DMD: variants seen among roughly 807,000 people sequenced by gnomAD.
The protein encoded by DMD is dystrophin.
A neutral mutation model predicts 330.1 loss-of-function variants in DMD; 63 were observed. That is an observed-to-expected ratio of 0.19 (90% CI 0.16 to 0.24). The LOEUF is 0.24. Ranked by LOEUF, DMD falls within the 10% of genes least tolerant of loss-of-function variation. DMD has a pLI of 1.00. For missense variants in DMD, 3,344 were observed against 2,684.1 expected (o/e 1.25, Z -5.43); for synonymous variants, 1,223 against 959.8 (o/e 1.27, Z -5.07).
At chrX:32,936,607 CT>C (rs2090040638) in intron 2 of DMD, among the ~76,000 whole-genome samples, 1 of 111,824 alleles carries the variant, frequency 8.9e-6, no homozygotes, top group South Asian at 3.7e-4. Context: ...TTCCTCCCTG[CT>C]TTTTTTCTTG....
chrX:32,604,830 G>A (rs2056548560), intron 12 of DMD, among the ~76,000 whole-genome samples: 1 of 105,308 alleles, frequency 9.5e-6, no homozygotes, highest in Non-Finnish European at 2.0e-5. Context: ...AAATACCTAG[G>A]AATGCCTTTA....
At chrX:32,189,769 AAATATCTT>A (rs1462847101) in intron 44 of DMD, among the ~76,000 whole-genome samples, 11 of 111,162 alleles carry the variant, frequency 9.9e-5, no homozygotes, top group Non-Finnish European at 1.5e-4. Context: ...CGTGGGTGGC[AAATATCTT>A]CAGCAAAATT....
At chrX:33,279,412 T>C (rs1023735531) in intron 1 of DMD, among the ~76,000 whole-genome samples, 1 of 109,514 alleles carries the variant, frequency 9.1e-6, no homozygotes, top group Admixed American at 9.8e-5. Flanking sequence ...TCCTTTTTAT[T>C]GCTGGGTAAT....
chrX:31,429,248 T>C (rs1161797872), intron 60 of DMD, among the ~76,000 whole-genome samples: 2 of 112,064 alleles, frequency 1.8e-5, no homozygotes, highest in Non-Finnish European at 3.8e-5. Flanking sequence ...TGGCTAAAAA[T>C]AACCATTTAT....
At chrX:32,201,480 C>T (rs1009596589) in intron 44 of DMD, among the ~76,000 whole-genome samples, 1 of 95,658 alleles carries the variant, frequency 1.0e-5, no homozygotes, top group Non-Finnish European at 2.2e-5. Flanking sequence ...CCCCCCCCCC[C>T]CCCAACAAGG....
In DMD at chrX:32,844,745, T is replaced by C. The variant is rs1267796676; in HGVS notation, c.264+38A>G. ...CCTCACTCAAACATGAAGCATGCTG[T>C]GTCACAGCATCCAGACCTTGTCCAG... is the stretch of plus-strand genomic sequence containing the variant. On this transcript the variant is annotated intron_variant, in intron 4 of 78. Transcript: ENST00000357033. 9 of 1,114,596 alleles carry C rather than the reference T, an allele frequency of 8.1e-6. No individual in the cohort carries two copies. The African/African-American group carries it at 1.4e-4, about 18-fold the overall frequency. The allele number at this position is 1,114,596 out of a possible 1,213,427, so 91.9% of individuals were successfully genotyped here.
chrX:31,155,918 C>T (rs1295046641), intron 74 of DMD, among the ~76,000 whole-genome samples: 1 of 110,139 alleles, frequency 9.1e-6, no homozygotes, highest in African/African-American at 3.3e-5. Flanking sequence ...CCGCTTGAGT[C>T]TGGGAGGTTG....
At chrX:32,684,014 TACATAC>T (rs2062651247) in intron 9 of DMD, among the ~76,000 whole-genome samples, 1 of 64,647 alleles carries the variant, frequency 1.5e-5, no homozygotes, top group African/African-American at 1.7e-4. Context: ...CACACACACA[TACATAC>T]ACACACACAC....
intron 2 of DMD, among the ~76,000 whole-genome samples, chrX:32,964,686 T>C (rs756538950): frequency 2.0e-4 from 22 of 111,690 alleles, no homozygotes; most frequent in Non-Finnish European, 3.4e-4. Flanking sequence ...CCAGCCTGGG[T>C]GACAGAGCAA....
At chrX:31,789,289 T>C (rs2091458407) in intron 50 of DMD, among the ~76,000 whole-genome samples, 2 of 111,425 alleles carry the variant, frequency 1.8e-5, no homozygotes, top group African/African-American at 6.5e-5. Flanking sequence ...TGCTTTTCTT[T>C]ACATCTTACG....
intron 48 of DMD, among the ~76,000 whole-genome samples, chrX:31,861,638 C>CAGTG (rs375434031): frequency 0.22 from 17,933 of 82,894 alleles, 1,812 homozygotes; most frequent in Admixed American, 0.29. Flanking sequence ...AAATAATCAC[C>CAGTG]TGTGTGTGTG....
rs1800267 is a variant in DMD, at chrX:32,565,825, G to C, written c.1869C>G (p.Leu623=). ...TCAGTGTTGAAAGAAGATCTTGTTT[G>C]AGTGAATACAGTTTGCCCATGGATT... is the stretch of plus-strand genomic sequence containing the variant. ...KKQSMGKLYS[L]KQDLLSTLKN... Residue 623 remains leucine (L), a synonymous_variant, in exon 16 of 79, where the codon CTC becomes CTG. Transcript: ENST00000357033. 7.6e-5 allele frequency: 92 copies of C among 1,209,416 alleles called. No individual in the cohort carries two copies. The East Asian group carries it at 1.7e-3, about 22-fold the overall frequency.
At chrX:32,803,598 G>A (rs1017229040) in intron 7 of DMD, among the ~76,000 whole-genome samples, 15 of 111,649 alleles carry the variant, frequency 1.3e-4, no homozygotes, top group Admixed American at 1.9e-4. Flanking sequence ...GGCATTTAGT[G>A]CTATAAATTT....
chrX:32,901,162 G>A (rs181301095), intron 2 of DMD, among the ~76,000 whole-genome samples: 98 of 111,529 alleles, frequency 8.8e-4, no homozygotes, highest in African/African-American at 3.0e-3. Flanking sequence ...GAGTTAAATA[G>A]TAGTAACATG....
At chrX:32,333,953 T>G (rs890962890) in intron 41 of DMD, among the ~76,000 whole-genome samples, 6 of 111,491 alleles carry the variant, frequency 5.4e-5, no homozygotes, top group Non-Finnish European at 1.1e-4. Context: ...TTAAAACTTT[T>G]AAAAATTATA....
intron 7 of DMD, among the ~76,000 whole-genome samples, chrX:32,722,976 G>GT (rs2066485273): frequency 9.0e-6 from 1 of 110,812 alleles, no homozygotes; most frequent in African/African-American, 3.3e-5. Context: ...AATGGAAGTG[G>GT]TAAGAGTGGG....
chrX:31,142,293 G>A (rs1290053651), intron 76 of DMD, among the ~76,000 whole-genome samples: 2 of 111,205 alleles, frequency 1.8e-5, no homozygotes, highest in African/African-American at 6.5e-5. Context: ...TGTTATGTAT[G>A]AAACCTAACC....
At chrX:33,206,017 T>C (rs763131597) in intron 1 of DMD, among the ~76,000 whole-genome samples, 10 of 111,987 alleles carry the variant, frequency 8.9e-5, no homozygotes, top group Non-Finnish European at 1.7e-4. Flanking sequence ...CATTCTCATT[T>C]CATTACATGG....
At chrX:31,483,850 T>C (rs1408097898) in intron 57 of DMD, among the ~76,000 whole-genome samples, 1 of 112,289 alleles carries the variant, frequency 8.9e-6, no homozygotes, top group Admixed American at 9.4e-5. Flanking sequence ...TAACAATATG[T>C]AATTTTAAAC....
Sources: gnomAD v4.1 joint callset for allele counts (sites outside exome capture counted in the v4.1 genomes callset) on GRCh38, gnomAD v4.1.1 for gene constraint, MANE v1.5 for transcripts, NCBI Gene and HGNC (gene_info 2026-07-23, HGNC 2026-07-21) for gene names.